Variants in PDE1C observed in about 807,000 individuals in gnomAD.
The protein encoded by PDE1C is dual specificity calcium/calmodulin-dependent 3',5'-cyclic nucleotide phosphodiesterase 1C.
A neutral mutation model predicts 93.1 loss-of-function variants in PDE1C; 62 were observed. That is an observed-to-expected ratio of 0.67 (90% confidence interval 0.54 to 0.82). The LOEUF (loss-of-function observed/expected upper bound fraction) is 0.82. PDE1C is among the 40% of genes least tolerant of loss of function. The pLI, the probability that PDE1C is intolerant of heterozygous loss-of-function variation, is 0.00. For missense variants in PDE1C, 742 were observed against 884.6 expected, an observed-to-expected ratio of 0.84 and a Z score of 2.04; for synonymous variants, 325 against 310.1, an observed-to-expected ratio of 1.05 and a Z score of -0.50.
the PDE1C span, among the ~76,000 whole-genome samples, chr7:31,639,313 A>G: frequency 1.3e-5 from 2 of 151,908 alleles, no homozygotes; most frequent in Non-Finnish European, 2.9e-5. Flanking sequence ...TTCATTTGGG[A>G]TAGCTTCTTA....
intron 2 of PDE1C, among the ~76,000 whole-genome samples, chr7:31,935,528 G>C (rs760007047): frequency 3.9e-5 from 6 of 152,050 alleles, no homozygotes; most frequent in Non-Finnish European, 8.8e-5. Context: ...CGAAGGTCAG[G>C]GAGAGCTTTC....
In PDE1C at chr7:31,816,131, C is replaced by G; in HGVS notation, c.1606G>C (p.Glu536Gln). The G allele has an allele frequency of 6.2e-7, 1 of 1,613,902 alleles. No individual in the cohort carries two copies. Among genetic ancestry groups the G allele is most frequent in the African/African-American group, 1.3e-5 (1 of 74,984 alleles). ...PKEEKAKKEA[E>Q]EKARLAAEEQ... ...TCTGCGGCCAGGCGAGCCTTTTCCT[C>G]TGCTTCCTTCTTGGCCTTCTCCTCT... is the stretch of plus-strand genomic sequence containing the variant. The change falls in exon 15 of 18, where the codon GAG becomes CAG. Residue 536 changes from glutamate to glutamine, a missense_variant. By Grantham distance (29) the Glu-to-Gln change is conservative (BLOSUM62 2). Around this residue, in one of 4 missense-constraint regions of PDE1C, gnomAD observed 454 missense variants for 459.4 expected, o/e 0.99. Coordinates refer to ENST00000396191, the MANE Select transcript of PDE1C (RefSeq NM_001191057.4).
chr7:32,388,048 T>C (rs76634146), intron 1 of PDE1C, among the ~76,000 whole-genome samples: 10,279 of 152,268 alleles, frequency 0.068, 972 homozygotes, highest in African/African-American at 0.21. Context: ...CTTCAATAGA[T>C]TGTAAGTTCT....
the PDE1C span, chr7:31,642,263 G>A: frequency 6.5e-7 from 1 of 1,546,394 alleles, no homozygotes; most frequent in Non-Finnish European, 8.7e-7. Context: ...CTCCAGGTAG[G>A]AGGGTTTGGA....
chr7:32,061,057 C>G (rs1794744947), intron 1 of PDE1C, among the ~76,000 whole-genome samples: 1 of 152,172 alleles, frequency 6.6e-6, no homozygotes, highest in Admixed American at 6.5e-5. Context: ...TCTTTCACTT[C>G]CATATTTACT....
chr7:31,772,529 T>C (rs1795561098), intron 17 of PDE1C, among the ~76,000 whole-genome samples: 1 of 151,870 alleles, frequency 6.6e-6, no homozygotes, highest in African/African-American at 2.4e-5. Flanking sequence ...TTTTTTCTGG[T>C]TCCCAGAGTT....
intron 2 of PDE1C, among the ~76,000 whole-genome samples, chr7:32,177,693 G>C (rs1803104837): frequency 6.6e-6 from 1 of 152,114 alleles, no homozygotes; most frequent in Non-Finnish European, 1.5e-5. Context: ...CCACACTGAG[G>C]CTCTTGCCTA....
chr7:31,643,630 G>T, the PDE1C span: 1 of 1,614,038 alleles, frequency 6.2e-7, no homozygotes, highest in Non-Finnish European at 8.5e-7. Context: ...GGGGACAAAA[G>T]CAAGACAGTT....
intron 3 of PDE1C, among the ~76,000 whole-genome samples, chr7:32,169,232 G>A (rs73104525): frequency 0.28 from 42,345 of 151,906 alleles, 6,036 homozygotes; most frequent in East Asian, 0.43. Flanking sequence ...AAAATGGAGT[G>A]CAATGCCGAA....
At chr7:32,423,750 T>C (rs1433243654) in intron 1 of PDE1C, among the ~76,000 whole-genome samples, 1 of 152,178 alleles carries the variant, frequency 6.6e-6, no homozygotes. Flanking sequence ...AAGACAATGC[T>C]CTAACACTGC....
At chr7:31,652,952 T>A in the PDE1C span, 2 of 1,480,118 alleles carry the variant, frequency 1.4e-6, no homozygotes, top group Non-Finnish European at 1.8e-6. Context: ...ATCTCTCATA[T>A]TCTACCCTTT....
the PDE1C span, among the ~76,000 whole-genome samples, chr7:31,681,386 T>C: frequency 6.9e-4 from 103 of 150,184 alleles, no homozygotes; most frequent in African/African-American, 2.4e-3. Context: ...GATGGATGGA[T>C]GGATGGATGG....
chr7:31,671,340 C>T, the PDE1C span, among the ~76,000 whole-genome samples: 1 of 152,202 alleles, frequency 6.6e-6, no homozygotes, highest in Admixed American at 6.5e-5. Context: ...GCTCCTGCAC[C>T]TGCTCATCTA....
chr7:32,004,269 A>C (rs1183083145), intron 2 of PDE1C, among the ~76,000 whole-genome samples: 1 of 152,086 alleles, frequency 6.6e-6, no homozygotes, highest in African/African-American at 2.4e-5. Context: ...AAAAACCAAT[A>C]TAACAAATTA....
intron 2 of PDE1C, among the ~76,000 whole-genome samples, chr7:31,884,475 G>C (rs1022867700): frequency 6.6e-6 from 1 of 152,140 alleles, no homozygotes; most frequent in Non-Finnish European, 1.5e-5. Flanking sequence ...TTGTTAAAAA[G>C]AGTTAAGTGG....
At chr7:32,170,065 T>C in intron 2 of PDE1C, 1 of 936,062 alleles carries the variant, frequency 1.1e-6, no homozygotes, top group Non-Finnish European at 1.6e-6. Flanking sequence ...AATTTATATA[T>C]TTCTCACCAT....
intron 17 of PDE1C, among the ~76,000 whole-genome samples, chr7:31,769,393 G>A (rs1036718474): frequency 2.6e-5 from 4 of 152,272 alleles, no homozygotes; most frequent in African/African-American, 9.6e-5. Context: ...GTCATTCAAT[G>A]TCTTTAGGTA....
chr7:31,802,910 C>T (rs916004824), intron 16 of PDE1C, among the ~76,000 whole-genome samples: 1 of 151,640 alleles, frequency 6.6e-6, no homozygotes, highest in Non-Finnish European at 1.5e-5. Context: ...ATTCCCTGTG[C>T]TTGAGATGTA....
At chr7:31,683,764 T>A in the PDE1C span, among the ~76,000 whole-genome samples, 1 of 152,242 alleles carries the variant, frequency 6.6e-6, no homozygotes, top group Admixed American at 6.5e-5. Flanking sequence ...GCAAATCTTT[T>A]AAGAGAACAT....
Sources: allele counts gnomAD v4.1 joint callset (sites outside exome capture counted in the v4.1 genomes callset), GRCh38; gene constraint gnomAD v4.1.1; regional missense constraint gnomAD v4.1.1; transcripts MANE v1.5; gene names NCBI Gene and HGNC (gene_info 2026-07-23, HGNC 2026-07-21).